Variants in ITGB3 observed in about 807,000 individuals in gnomAD.
The protein encoded by ITGB3 is integrin beta-3.
In ITGB3, 48 loss-of-function variants were observed where a neutral mutation model predicts 85.8. The observed-to-expected ratio is 0.56, with a 90% CI of 0.44 to 0.71. The LOEUF is 0.71. ITGB3 is among the 30% of genes least tolerant of loss of function. The pLI, the probability that ITGB3 is intolerant of heterozygous loss-of-function variation, is 0.00. For missense variants in ITGB3, 861 were observed against 1,019.1 expected, an observed-to-expected ratio of 0.84 and a Z score of 2.11; for synonymous variants, 363 against 395.6, an observed-to-expected ratio of 0.92 and a Z score of 0.98.
intron 2 of ITGB3, among the ~76,000 whole-genome samples, chr17:47,281,243 G>A (rs1056002052): frequency 1.3e-5 from 2 of 152,212 alleles, no homozygotes; most frequent in Admixed American, 1.3e-4. Context: ...TGGAAGTGCT[G>A]GTTGGGGATG....
At chr17:47,283,292 A>G in intron 2 of ITGB3, 62 bp from the exon 3 acceptor site, 1 of 1,523,916 alleles carries the variant, frequency 6.6e-7, no homozygotes, top group Non-Finnish European at 9.1e-7. Flanking sequence ...TAGGGCCTGC[A>G]GGAGGTAGAG....
chr17:47,260,124 C>G (rs966376276), intron 1 of ITGB3, among the ~76,000 whole-genome samples: 2 of 151,992 alleles, frequency 1.3e-5, no homozygotes, highest in Non-Finnish European at 2.9e-5. Flanking sequence ...TATAGTACTT[C>G]CTTTTATATA....
At position 47,284,580 on chromosome 17, in the gene ITGB3, C is replaced by G. The variant is rs376401679; in HGVS notation, c.499C>G (p.Gln167Glu). ...IQNLGTKLAT[Q>E]MRKLTSNLRI... is the part of the protein sequence containing the mutation. ...GAACCTGGGTACCAAGCTGGCCACC[C>G]AGATGCGAAAGCTCACCAGTAACCT... Residue 167 changes from glutamine (Q) to glutamate (E), a missense_variant, in exon 4 of 15, where the codon CAG becomes GAG. Physicochemically the swap from Gln to Glu is conservative, Grantham distance 29. Transcript: ENST00000559488. The G allele has an allele frequency of 1.2e-6, 2 of 1,613,982 alleles. No individual in the cohort carries two copies. Among genetic ancestry groups the G allele is most frequent in the African/African-American group, 2.7e-5 (2 of 74,880 alleles).
In ITGB3 at chr17:47,283,383, C is replaced by T. The variant is rs750855098; in HGVS notation, c.195C>T (p.Asp65=). 3.1e-6 allele frequency: 5 copies of T among 1,614,032 alleles called. No individual in the cohort carries two copies. In the Admixed American group the frequency reaches 6.7e-5, roughly 22 times the overall value. ...EALPLGSPRC[D]LKENLLKDNC... The stretch of plus-strand genomic sequence containing the variant: ...TGCCTCTGGGCTCACCTCGCTGTGA[C>T]CTGAAGGAGAATCTGCTGAAGGATA... Residue 65 remains aspartate (D), a synonymous_variant, in exon 3 of 15, where the codon GAC becomes GAT. Transcript: ENST00000559488.
At position 47,296,628 on chromosome 17, in the gene ITGB3, C is replaced by T. The variant is rs2065147123; in HGVS notation, c.1691-2680C>T. ...TGGGAGGAAGGAGCTATTTTGTCTC[C>T]CAGGGCACATTTGGCAATGTCTGGT... On this transcript the variant is annotated intron_variant, in intron 10 of 14. Transcript: ENST00000559488. Among the ~76,000 whole-genome samples the T allele has an allele frequency of 2.0e-5, 3 of 152,208 alleles. No individual in the cohort carries two copies. The South Asian group carries it at 6.2e-4, about 32-fold the overall frequency.
At chr17:47,270,527 A>G (rs2065040710) in intron 1 of ITGB3, among the ~76,000 whole-genome samples, 1 of 152,228 alleles carries the variant, frequency 6.6e-6, no homozygotes, top group Non-Finnish European at 1.5e-5. Flanking sequence ...GTGAACATTC[A>G]GGAATTCTGA....
rs1333092388 is a variant in ITGB3 at position 47,311,219 on chromosome 17, GTGCCTT to G, written c.*1016_*1021del. ...ATAGCACCTCCACATACCTGGCCCT[GTGCCTT>G]GGTGTGCTGTATCCATCCATGGGGC... On this transcript the variant is annotated 3_prime_UTR_variant, in exon 15 of 15. Transcript: ENST00000559488. 5.8e-5 allele frequency: 9 copies of G among 155,230 alleles called. No homozygotes were observed. Among genetic ancestry groups the G allele is most frequent in the African/African-American group, 2.2e-4 (9 of 41,496 alleles). The allele number at this position is 155,230 out of a possible 1,614,324, so 9.6% of individuals were successfully genotyped here. A position where few individuals can be genotyped will look rare whatever the true frequency, so the allele number is the denominator to read the frequency against.
At chr17:47,254,259 T>G (rs1432970565) in intron 1 of ITGB3, among the ~76,000 whole-genome samples, 2 of 151,982 alleles carry the variant, frequency 1.3e-5, no homozygotes, top group Non-Finnish European at 2.9e-5. Context: ...CACCCGGGGC[T>G]GCGCGCGTCG....
intron 6 of ITGB3, 120 bp downstream of exon 6, chr17:47,287,351 CG>C (rs1388369902): frequency 1.1e-5 from 13 of 1,146,864 alleles, no homozygotes; most frequent in Non-Finnish European, 1.7e-5. Flanking sequence ...GTGCAGGGCT[CG>C]GTTCCAGCTT....
At chr17:47,270,659 C>T (rs1211862665) in intron 1 of ITGB3, among the ~76,000 whole-genome samples, 3 of 152,202 alleles carry the variant, frequency 2.0e-5, no homozygotes, top group Non-Finnish European at 4.4e-5. Flanking sequence ...CACTCATGGG[C>T]CTCACGCTTA....
intron 10 of ITGB3, among the ~76,000 whole-genome samples, chr17:47,295,943 G>T (rs1043400820): frequency 6.6e-4 from 100 of 152,322 alleles, no homozygotes; most frequent in African/African-American, 2.1e-3. Flanking sequence ...GTTACTCAAG[G>T]CTAGACTCTT....
At chr17:47,270,987 A>C (rs1299957827) in intron 1 of ITGB3, among the ~76,000 whole-genome samples, 1 of 152,196 alleles carries the variant, frequency 6.6e-6, no homozygotes, top group East Asian at 1.9e-4. Flanking sequence ...AACTTCATCT[A>C]TTCCCCTACC....
At chr17:47,286,957 A>T (rs1048102601) in intron 5 of ITGB3, 113 bp from the exon 6 acceptor site, 2 of 1,053,716 alleles carry the variant, frequency 1.9e-6, no homozygotes, top group African/African-American at 3.2e-5. Flanking sequence ...TTGAAGAAAA[A>T]TAAGCTGTCC....
intron 1 of ITGB3, among the ~76,000 whole-genome samples, chr17:47,265,014 G>T (rs2065020600): frequency 6.6e-6 from 1 of 152,222 alleles, no homozygotes. Flanking sequence ...TGTGTCTCCA[G>T]TGCCTAGGAG....
At chr17:47,286,958 T>C (rs2143098276) in intron 5 of ITGB3, 112 bp from the exon 6 acceptor site, 1 of 1,056,362 alleles carries the variant, frequency 9.5e-7, no homozygotes, top group Non-Finnish European at 1.4e-6. Context: ...TGAAGAAAAA[T>C]AAGCTGTCCA....
At chr17:47,302,965 G>A in intron 13 of ITGB3, 125 bp downstream of exon 13, 1 of 1,131,008 alleles carries the variant, frequency 8.8e-7, no homozygotes, top group Non-Finnish European at 1.3e-6. Flanking sequence ...GATAAGTTAG[G>A]GGCCAGGTGT....
intron 4 of ITGB3, among the ~76,000 whole-genome samples, chr17:47,285,570 T>C (rs2065099568): frequency 6.6e-6 from 1 of 152,110 alleles, no homozygotes; most frequent in African/African-American, 2.4e-5. Context: ...TGAGCCATGA[T>C]TGTGCCACTG....
chr17:47,284,881 G>C (rs2065097224), intron 4 of ITGB3, among the ~76,000 whole-genome samples, 186 bp downstream of exon 4: 1 of 152,150 alleles, frequency 6.6e-6, no homozygotes, highest in Admixed American at 6.6e-5. Context: ...TGTGTCAATG[G>C]AGCCTAAGGC....
At chr17:47,295,449 T>C (rs1056544233) in intron 10 of ITGB3, among the ~76,000 whole-genome samples, 2 of 152,112 alleles carry the variant, frequency 1.3e-5, no homozygotes, top group African/African-American at 2.4e-5. Flanking sequence ...CCTCTGACTT[T>C]CCGATGAACC....
Sources: gnomAD v4.1 joint callset for allele counts (sites outside exome capture counted in the v4.1 genomes callset) on GRCh38, gnomAD v4.1.1 for gene constraint, MANE v1.5 for transcripts, NCBI Gene and HGNC (gene_info 2026-07-23, HGNC 2026-07-21) for gene names.